Variants in GMPR observed in about 807,000 individuals in gnomAD.
GMPR encodes the protein GMP reductase 1.
In GMPR, 31 loss-of-function variants were observed where a neutral mutation model predicts 38.4. The observed-to-expected ratio is 0.81, with a 90% CI of 0.61 to 1.09. The LOEUF is 1.09. Ranked by LOEUF, GMPR falls within the 50% of genes least tolerant of loss-of-function variation. The pLI is 0.00. For synonymous variants in GMPR, 162 were observed against 173.3 expected (o/e 0.93, Z 0.51); for missense variants, 468 against 453.7 (o/e 1.03, Z -0.29).
chr6:16,254,704 TC>T lies in GMPR; in HGVS notation c.436del (p.Arg146ValfsTer15). 6.2e-7 allele frequency: 1 copy of T among 1,613,924 alleles called. No individual in the cohort carries two copies. The highest frequency in any genetic ancestry group is 8.5e-7 in the Non-Finnish European group (1 of 1,179,792). ...SEHFVEFVKLVRAKFPEHTIM... is the reference protein window; with the variant it reads ...SEHFVEFVKLXRAKFPEHTIM... ...CATTTTGTGGAATTCGTGAAACTTG[TC>T]CGTGCCAAATTTCCTGAACACACCA... is the stretch of plus-strand genomic sequence containing the variant. On this transcript the variant is annotated frameshift_variant, in exon 4 of 9. Transcript: ENST00000259727. LOFTEE classifies it high-confidence loss of function.
chr6:16,251,396 C>T (rs549799437), intron 3 of GMPR, among the ~76,000 whole-genome samples: 3 of 152,164 alleles, frequency 2.0e-5, no homozygotes, highest in Non-Finnish European at 2.9e-5. Flanking sequence ...CATGGAGAAA[C>T]CCTGTCTTTA....
At chr6:16,277,092 C>T (rs1045786035) in intron 5 of GMPR, among the ~76,000 whole-genome samples, 3 of 152,142 alleles carry the variant, frequency 2.0e-5, no homozygotes, top group Non-Finnish European at 4.4e-5. Context: ...GGGGGTTAAA[C>T]CTTTTATTCT....
chr6:16,267,429 C>T (rs566009900), intron 4 of GMPR, among the ~76,000 whole-genome samples: 1 of 151,848 alleles, frequency 6.6e-6, no homozygotes, highest in Non-Finnish European at 1.5e-5. Flanking sequence ...CTGAAGTCAG[C>T]GAGACCACGA....
intron 3 of GMPR, among the ~76,000 whole-genome samples, chr6:16,252,049 C>A (rs751253911): frequency 2.0e-5 from 3 of 151,966 alleles, no homozygotes; most frequent in Non-Finnish European, 1.5e-5. Flanking sequence ...TTGGGGTTGT[C>A]GTTACTGTGC....
chr6:16,258,387 G>A (rs1759017643), intron 4 of GMPR, among the ~76,000 whole-genome samples: 1 of 152,218 alleles, frequency 6.6e-6, no homozygotes. Flanking sequence ...CACCTCTGAA[G>A]GACAAAGACC....
In GMPR at chr6:16,247,689, C is replaced by G. The variant is rs115206740; in HGVS notation, c.207+728C>G. Among the ~76,000 whole-genome samples the G allele has an allele frequency of 5.2e-3, 784 of 152,214 alleles. 7 individuals are homozygous for G. Among genetic ancestry groups the G allele is most frequent in the African/African-American group, 0.018 (758 of 41,528 alleles). ...CATGCCCGGCCTGTATCTCTTAATTCTTGACGCAACTCAACAAGATAGGTT... is the reference window on the plus strand; with the variant it reads ...CATGCCCGGCCTGTATCTCTTAATTGTTGACGCAACTCAACAAGATAGGTT... On this transcript the variant is annotated intron_variant, in intron 2 of 8. Transcript: ENST00000259727.
At chr6:16,268,570 G>A (rs921816102) in intron 4 of GMPR, among the ~76,000 whole-genome samples, 1 of 152,170 alleles carries the variant, frequency 6.6e-6, no homozygotes, top group African/African-American at 2.4e-5. Flanking sequence ...GTGAGCCACC[G>A]CGCCTGCCGA....
At chr6:16,268,989 AAAAT>A (rs935159614) in intron 4 of GMPR, among the ~76,000 whole-genome samples, 2 of 151,588 alleles carry the variant, frequency 1.3e-5, no homozygotes, top group Admixed American at 1.3e-4. Context: ...CTTCACGAAA[AAAAT>A]AAAAATTATT....
chr6:16,240,970 T>G (rs767332170), intron 1 of GMPR, among the ~76,000 whole-genome samples: 1 of 152,104 alleles, frequency 6.6e-6, no homozygotes, highest in East Asian at 1.9e-4. Flanking sequence ...GATCTGACTT[T>G]ACTTGCCTCG....
intron 1 of GMPR, among the ~76,000 whole-genome samples, chr6:16,239,947 C>G (rs905116176): frequency 4.6e-5 from 7 of 152,196 alleles, no homozygotes; most frequent in Non-Finnish European, 7.4e-5. Context: ...GACCCTGTGC[C>G]TGTCCCTCAT....
intron 6 of GMPR, among the ~76,000 whole-genome samples, chr6:16,282,047 CA>C (rs1299471228): frequency 6.6e-6 from 1 of 152,206 alleles, no homozygotes; most frequent in East Asian, 1.9e-4. Flanking sequence ...GCTAGAAACC[CA>C]CCAGGTGTTT....
At chr6:16,261,102 A>G (rs1424251959) in intron 4 of GMPR, among the ~76,000 whole-genome samples, 1 of 152,002 alleles carries the variant, frequency 6.6e-6, no homozygotes, top group Non-Finnish European at 1.5e-5. Flanking sequence ...TGGCTAGGCT[A>G]AAACAGTAAG....
intron 1 of GMPR, among the ~76,000 whole-genome samples, chr6:16,242,796 G>A (rs141230509): frequency 0.012 from 1,886 of 152,070 alleles, 34 homozygotes; most frequent in African/African-American, 0.04. Flanking sequence ...GCACCACCAC[G>A]TCCAACTAAT....
intron 1 of GMPR, among the ~76,000 whole-genome samples, chr6:16,242,584 A>C (rs1436824220): frequency 1.3e-5 from 2 of 151,954 alleles, no homozygotes; most frequent in Non-Finnish European, 2.9e-5. Flanking sequence ...TCATCTCCAC[A>C]TGAGGTTCTC....
intron 2 of GMPR, among the ~76,000 whole-genome samples, chr6:16,247,355 A>T (rs1683715617): frequency 6.6e-6 from 1 of 152,082 alleles, no homozygotes; most frequent in African/African-American, 2.4e-5. Flanking sequence ...CTTATGTACG[A>T]AACACTGCAG....
chr6:16,267,248 T>C (rs1759270256), intron 4 of GMPR, among the ~76,000 whole-genome samples: 1 of 151,948 alleles, frequency 6.6e-6, no homozygotes, highest in South Asian at 2.1e-4. Flanking sequence ...GGCGGGCGCC[T>C]GTAGTCCCAG....
At chr6:16,282,877 C>T (rs769480196) in intron 6 of GMPR, among the ~76,000 whole-genome samples, 5 of 150,242 alleles carry the variant, frequency 3.3e-5, no homozygotes, top group African/African-American at 1.2e-4. Context: ...GGCATGATCT[C>T]GGCTCACTGC....
intron 6 of GMPR, among the ~76,000 whole-genome samples, chr6:16,279,892 TAA>T (rs1306580407): frequency 6.6e-6 from 1 of 151,566 alleles, no homozygotes; most frequent in Non-Finnish European, 1.5e-5. Flanking sequence ...AGGGGCAAAA[TAA>T]AAAAGAGAGC....
intron 4 of GMPR, 101 bp from the exon 5 acceptor site, chr6:16,274,314 G>A: frequency 1.3e-6 from 1 of 767,534 alleles, no homozygotes; most frequent in Non-Finnish European, 2.3e-6. Flanking sequence ...GCTGCCTGGT[G>A]GCTTTAGGAC....
Sources: allele counts gnomAD v4.1 joint callset (sites outside exome capture counted in the v4.1 genomes callset), GRCh38; gene constraint gnomAD v4.1.1; transcripts MANE v1.5; gene names NCBI Gene and HGNC (gene_info 2026-07-23, HGNC 2026-07-21).